The following KCNB2 variants were observed in gnomAD, a reference collection of about 807,000 sequenced individuals.
KCNB2 encodes the protein potassium voltage-gated channel subfamily B member 2, also known as delayed rectifier potassium channel protein.
In KCNB2, 15 loss-of-function variants were observed where a neutral mutation model predicts 61.5. That is an observed-to-expected ratio of 0.24 (90% confidence interval 0.16 to 0.38). KCNB2 has a LOEUF of 0.38. Ranked by LOEUF, KCNB2 falls within the 10% of genes least tolerant of loss-of-function variation. The pLI is 1.00. For missense variants in KCNB2, 828 were observed against 1,125.2 expected, an observed-to-expected ratio of 0.74 and a Z score of 3.78; for synonymous variants, 457 against 446.0, an observed-to-expected ratio of 1.02 and a Z score of -0.31.
chr8:72,569,631 T>A (rs1300568330), intron 2 of KCNB2, among the ~76,000 whole-genome samples: 4 of 138,336 alleles, frequency 2.9e-5, no homozygotes. Flanking sequence ...TCATTTTACT[T>A]GTAAAAAAAA....
chr8:72,586,258 CTGTCTT>C (rs1357813020), intron 2 of KCNB2, among the ~76,000 whole-genome samples: 2 of 152,182 alleles, frequency 1.3e-5, no homozygotes, highest in Non-Finnish European at 2.9e-5. Flanking sequence ...CTTTGAACAA[CTGTCTT>C]TGAGGAATGA....
At chr8:72,715,039 C>G (rs1427256361) in intron 2 of KCNB2, among the ~76,000 whole-genome samples, 3 of 151,888 alleles carry the variant, frequency 2.0e-5, no homozygotes, top group Non-Finnish European at 2.9e-5. Flanking sequence ...GACTTTAAAC[C>G]AACAAAGATC....
At chr8:72,701,119 G>A (rs900173668) in intron 2 of KCNB2, among the ~76,000 whole-genome samples, 2 of 152,062 alleles carry the variant, frequency 1.3e-5, no homozygotes, top group Admixed American at 6.6e-5. Context: ...TAACTGTTGG[G>A]TGCTATGCTC....
At chr8:72,698,424 A>G (rs185684706) in intron 2 of KCNB2, among the ~76,000 whole-genome samples, 1 of 152,312 alleles carries the variant, frequency 6.6e-6, no homozygotes, top group African/African-American at 2.4e-5. Context: ...TATCATTAAA[A>G]TGTCCATACT....
At chr8:72,737,188 T>A (rs1415463615) in intron 2 of KCNB2, among the ~76,000 whole-genome samples, 2 of 152,212 alleles carry the variant, frequency 1.3e-5, no homozygotes, top group Admixed American at 1.3e-4. Context: ...ATGATAGTTC[T>A]GATTTTTTAA....
chr8:72,812,837 C>T (rs1008549870), intron 2 of KCNB2, among the ~76,000 whole-genome samples: 1 of 152,034 alleles, frequency 6.6e-6, no homozygotes, highest in African/African-American at 2.4e-5. Flanking sequence ...TTCTTTGAGG[C>T]TGTAGTTTTC....
chr8:72,727,232 T>C (rs1378014824), intron 2 of KCNB2, among the ~76,000 whole-genome samples: 2 of 152,162 alleles, frequency 1.3e-5, no homozygotes, highest in African/African-American at 4.8e-5. Flanking sequence ...CAGACCTATT[T>C]TAAATCCCCA....
chr8:72,682,274 A>G (rs1327776479), intron 2 of KCNB2, among the ~76,000 whole-genome samples: 2 of 152,194 alleles, frequency 1.3e-5, no homozygotes, highest in African/African-American at 4.8e-5. Context: ...GAAAAGCTCA[A>G]CATGACTTAC....
chr8:72,681,706 T>A (rs2128989136), intron 2 of KCNB2, among the ~76,000 whole-genome samples: 1 of 152,348 alleles, frequency 6.6e-6, no homozygotes, highest in Non-Finnish European at 1.5e-5. Context: ...TGTGCTCTAT[T>A]TTTATACAAC....
In KCNB2 at chr8:72,729,682, G is replaced by A. The variant is rs1027714420; in HGVS notation, c.579+161369G>A. ...GTGGATCACCTGAGGTCAGGAGTTC[G>A]AGACCAGCCTGACCAACATGGAGAA... On this transcript the variant is annotated intron_variant, in intron 2 of 2. Coordinates refer to ENST00000523207, the MANE Select transcript of KCNB2 (RefSeq NM_004770.3). Among the ~76,000 whole-genome samples, 6 of 152,118 alleles carry A rather than the reference G, an allele frequency of 3.9e-5. No individual in the cohort carries two copies. The South Asian group carries it at 6.2e-4, about 16-fold the overall frequency.
intron 2 of KCNB2, among the ~76,000 whole-genome samples, chr8:72,749,139 T>A (rs1563579120): frequency 6.6e-6 from 1 of 152,140 alleles, no homozygotes; most frequent in African/African-American, 2.4e-5. Flanking sequence ...TTATTTATTT[T>A]TTGAGACCAG....
At position 72,693,527 on chromosome 8, in the gene KCNB2, C is replaced by T. The variant is rs138388135; in HGVS notation, c.579+125214C>T. On this transcript the variant is annotated intron_variant, in intron 2 of 2. Transcript: ENST00000523207. ...ACCTCACAGCTGGGGAGAGGGCAAG[C>T]TCTGTGTTCTAAAAAAAGCAACAAC... is the stretch of plus-strand genomic sequence containing the variant. Among the ~76,000 whole-genome samples, 810 of 152,224 alleles carry T rather than the reference C, an allele frequency of 5.3e-3. 8 individuals carry two copies. The highest frequency in any genetic ancestry group is 0.018 in the African/African-American group (753 of 41,534).
chr8:72,764,489 A>G (rs1808432464), intron 2 of KCNB2, among the ~76,000 whole-genome samples: 1 of 152,182 alleles, frequency 6.6e-6, no homozygotes, highest in Non-Finnish European at 1.5e-5. Context: ...TGTGATGGTC[A>G]GGAAGGACAG....
At chr8:72,721,522 A>G (rs949393182) in intron 2 of KCNB2, among the ~76,000 whole-genome samples, 3 of 152,202 alleles carry the variant, frequency 2.0e-5, no homozygotes, top group African/African-American at 7.2e-5. Flanking sequence ...GGCTAATGTA[A>G]GAAACAAAAG....
chr8:72,625,720 T>C (rs1805779548), intron 2 of KCNB2, among the ~76,000 whole-genome samples: 1 of 152,174 alleles, frequency 6.6e-6, no homozygotes, highest in Non-Finnish European at 1.5e-5. Flanking sequence ...CATGAGCCAC[T>C]GCACCCAGAA....
Position 72,938,163 on chromosome 8 carries a change from A to C in KCNB2, c.*72A>C. The C allele has an allele frequency of 8.0e-7, 1 of 1,256,406 alleles. No homozygotes were observed. The highest frequency in any genetic ancestry group is 1.5e-5 in the South Asian group (1 of 68,624). The allele number at this position is 1,256,406 out of a possible 1,614,324, so 77.8% of individuals were successfully genotyped here. A position where few individuals can be genotyped will look rare whatever the true frequency, so the allele number is the denominator to read the frequency against. ...CTTGTTTCTTAAAAATGCGGTTAAT[A>C]ATGCCTGTGAACTAAAAAAATGGGA... On this transcript the variant is annotated 3_prime_UTR_variant, in exon 3 of 3. Transcript: ENST00000523207.
intron 2 of KCNB2, among the ~76,000 whole-genome samples, chr8:72,721,318 G>C (rs1807545319): frequency 1.3e-5 from 2 of 152,188 alleles, no homozygotes; most frequent in Admixed American, 1.3e-4. Flanking sequence ...GAACTCTGCT[G>C]AATGGTGATA....
chr8:72,543,520 T>G (rs1806219348), intron 1 of KCNB2, among the ~76,000 whole-genome samples: 1 of 152,196 alleles, frequency 6.6e-6, no homozygotes, highest in South Asian at 2.1e-4. Flanking sequence ...GTGGGTGTAC[T>G]GGATTAATGA....
intron 2 of KCNB2, among the ~76,000 whole-genome samples, chr8:72,620,352 A>C (rs1411291377): frequency 6.6e-6 from 1 of 152,348 alleles, no homozygotes; most frequent in East Asian, 1.9e-4. Context: ...TTTATAGCAC[A>C]TGCTGATTCA....
Sources: allele counts gnomAD v4.1 joint callset (sites outside exome capture counted in the v4.1 genomes callset), GRCh38; gene constraint gnomAD v4.1.1; transcripts MANE v1.5; gene names NCBI Gene and HGNC (gene_info 2026-07-23, HGNC 2026-07-21).